Variants in DCC observed in about 807,000 individuals in gnomAD.
DCC encodes netrin receptor DCC.
DCC carries 58 observed loss-of-function variants against 172.5 expected under a neutral mutation model. The observed-to-expected ratio is 0.34, with a 90% CI of 0.27 to 0.42. DCC has a LOEUF of 0.42. Ranked by LOEUF, DCC falls within the 10% of genes least tolerant of loss-of-function variation. The pLI is 1.00. For synonymous variants in DCC, 709 were observed against 644.5 expected (o/e 1.10, Z -1.52); for missense variants, 1,740 against 1,791.0 (o/e 0.97, Z 0.51).
At chr18:53,203,201 TTGTGTGTGTGTGTG>T (rs66474118) in intron 9 of DCC, among the ~76,000 whole-genome samples, 37 of 125,254 alleles carry the variant, frequency 3.0e-4, no homozygotes, top group Non-Finnish European at 5.8e-4. Flanking sequence ...ATAGATTCTC[TTGTGTGTGTGTGTG>T]TGTGTGTGTG....
At chr18:53,166,795 T>A (rs1316283390) in intron 8 of DCC, among the ~76,000 whole-genome samples, 1 of 152,170 alleles carries the variant, frequency 6.6e-6, no homozygotes. Flanking sequence ...ACATTTCCAG[T>A]CTTCATTATG....
At chr18:52,933,902 T>C (rs1489526679) in intron 5 of DCC, among the ~76,000 whole-genome samples, 6 of 151,986 alleles carry the variant, frequency 3.9e-5, no homozygotes, top group African/African-American at 1.4e-4. Context: ...ATCATAGGAT[T>C]TGGTGTCCGT....
At chr18:52,896,206 G>A (rs1288844446) in intron 2 of DCC, among the ~76,000 whole-genome samples, 1 of 152,028 alleles carries the variant, frequency 6.6e-6, no homozygotes, top group African/African-American at 2.4e-5. Context: ...ATAGGCTAAG[G>A]TCCTATCTCA....
At chr18:52,742,971 T>A (rs1371741604) in intron 1 of DCC, among the ~76,000 whole-genome samples, 1 of 152,226 alleles carries the variant, frequency 6.6e-6, no homozygotes, top group East Asian at 1.9e-4. Flanking sequence ...CAGTTTCTGT[T>A]AAAATGATCA....
chr18:52,918,003 GA>G (rs1309680375), intron 3 of DCC, among the ~76,000 whole-genome samples: 1 of 151,976 alleles, frequency 6.6e-6, no homozygotes, highest in Admixed American at 6.6e-5. Flanking sequence ...CTGCTGGCTT[GA>G]ATAAAACTAT....
At chr18:52,775,429 T>A (rs2037412737) in intron 2 of DCC, among the ~76,000 whole-genome samples, 1 of 152,210 alleles carries the variant, frequency 6.6e-6, no homozygotes, top group African/African-American at 2.4e-5. Context: ...TCTTTCTGTA[T>A]CCCGGGTTCT....
chr18:52,982,617 C>T (rs576603897), intron 5 of DCC, among the ~76,000 whole-genome samples: 6 of 152,032 alleles, frequency 3.9e-5, no homozygotes, highest in Non-Finnish European at 7.4e-5. Flanking sequence ...CTACTAGATG[C>T]CACTAGCATC....
chr18:52,986,806 GTATATA>G (rs569680796), intron 5 of DCC, among the ~76,000 whole-genome samples: 41 of 149,014 alleles, frequency 2.8e-4, no homozygotes, highest in African/African-American at 9.9e-4. Context: ...CACACGTGTA[GTATATA>G]TATACACACA....
intron 1 of DCC, among the ~76,000 whole-genome samples, chr18:52,632,490 G>C (rs1210167394): frequency 1.3e-5 from 2 of 152,206 alleles, no homozygotes; most frequent in Non-Finnish European, 2.9e-5. Context: ...CAAAATTTCT[G>C]TTTTGCCATT....
At chr18:53,074,760 G>A (rs898402164) in intron 7 of DCC, among the ~76,000 whole-genome samples, 7 of 152,188 alleles carry the variant, frequency 4.6e-5, no homozygotes, top group Admixed American at 1.3e-4. Context: ...CTCACCTAGT[G>A]TATGAGATGT....
At position 53,281,342 on chromosome 18, in the gene DCC, C is replaced by T. The variant is rs896026140; in HGVS notation, c.1912-24236C>T. Among the ~76,000 whole-genome samples the T allele has an allele frequency of 1.6e-4, 24 of 152,112 alleles. 1 individual carries two copies. The highest frequency in any genetic ancestry group is 1.4e-3 in the Admixed American group (22 of 15,216). On this transcript the variant is annotated intron_variant, in intron 12 of 28. Coordinates refer to ENST00000442544, the MANE Select transcript of DCC (RefSeq NM_005215.4). ...TAACTAAATTTGATATGTCATGTAACTCTTTTCTGATTTTAACAGAAATTC... is the reference window on the plus strand; with the variant it reads ...TAACTAAATTTGATATGTCATGTAATTCTTTTCTGATTTTAACAGAAATTC...
intron 7 of DCC, among the ~76,000 whole-genome samples, chr18:53,139,465 T>C (rs1344751463): frequency 6.6e-6 from 1 of 152,204 alleles, no homozygotes; most frequent in Admixed American, 6.5e-5. Flanking sequence ...AGTTACCATC[T>C]CATGATCTGA....
intron 2 of DCC, among the ~76,000 whole-genome samples, chr18:52,897,065 C>T (rs2039742249): frequency 6.6e-6 from 1 of 152,158 alleles, no homozygotes; most frequent in African/African-American, 2.4e-5. Flanking sequence ...CCTAGCAATG[C>T]TCTTAGGTGA....
At chr18:52,846,147 A>T (rs2145328897) in intron 2 of DCC, among the ~76,000 whole-genome samples, 1 of 152,294 alleles carries the variant, frequency 6.6e-6, no homozygotes, top group South Asian at 2.1e-4. Context: ...AACTCCTCTC[A>T]CAGGAAGCAT....
At chr18:52,847,311 A>G (rs1404783511) in intron 2 of DCC, among the ~76,000 whole-genome samples, 1 of 152,196 alleles carries the variant, frequency 6.6e-6, no homozygotes, top group Non-Finnish European at 1.5e-5. Context: ...ACCCATTAGA[A>G]TCAGCATCAG....
At chr18:53,179,249 A>G (rs2055157414) in intron 9 of DCC, 133 bp downstream of exon 9, 1 of 873,070 alleles carries the variant, frequency 1.1e-6, no homozygotes, top group South Asian at 1.5e-5. Context: ...GTAAACTTAT[A>G]TAACTCGAGG....
chr18:52,700,236 A>C (rs1429725879), intron 1 of DCC, among the ~76,000 whole-genome samples: 2 of 144,386 alleles, frequency 1.4e-5, no homozygotes, highest in Admixed American at 6.9e-5. Flanking sequence ...ATGCACACTC[A>C]CATGCACACT....
intron 1 of DCC, among the ~76,000 whole-genome samples, chr18:52,382,173 A>T (rs1017501860): frequency 6.6e-6 from 1 of 152,182 alleles, no homozygotes; most frequent in Admixed American, 6.6e-5. Flanking sequence ...GTAAAAATGA[A>T]TAGGAAATAT....
chr18:53,193,518 G>T (rs1012561490), intron 9 of DCC, among the ~76,000 whole-genome samples: 1 of 151,908 alleles, frequency 6.6e-6, no homozygotes, highest in South Asian at 2.1e-4. Flanking sequence ...TAAACACAAA[G>T]ACATTAAATA....
Sources: gnomAD v4.1 joint callset for allele counts (sites outside exome capture counted in the v4.1 genomes callset) on GRCh38, gnomAD v4.1.1 for gene constraint, MANE v1.5 for transcripts, NCBI Gene and HGNC (gene_info 2026-07-23, HGNC 2026-07-21) for gene names.